The following CTIF variants were observed in gnomAD, a reference collection of about 807,000 sequenced individuals.
The protein encoded by CTIF is cap binding complex dependent translation initiation factor.
A neutral mutation model predicts 66.0 loss-of-function variants in CTIF; 21 were observed. The observed-to-expected ratio is 0.32, with a 90% CI of 0.23 to 0.46. CTIF has a LOEUF of 0.46. Among genes scored for constraint, CTIF ranks in the 20% least tolerant of loss-of-function variants. CTIF has a pLI of 1.00. For missense variants in CTIF, 739 were observed against 812.7 expected (o/e 0.91, Z 1.10); for synonymous variants, 345 against 326.4 (o/e 1.06, Z -0.62).
intron 3 of CTIF, among the ~76,000 whole-genome samples, chr18:48,637,444 C>G (rs116372218): frequency 6.6e-6 from 1 of 152,174 alleles, no homozygotes; most frequent in Admixed American, 6.5e-5. Flanking sequence ...GTCCCCATCC[C>G]GAGTCCAGCC....
At chr18:48,648,872 C>A (rs1451856325) in intron 3 of CTIF, among the ~76,000 whole-genome samples, 1 of 152,214 alleles carries the variant, frequency 6.6e-6, no homozygotes, top group Non-Finnish European at 1.5e-5. Flanking sequence ...GTGATCCCAG[C>A]ACTTTGGGAG....
Position 48,757,305 on chromosome 18 carries a change from G to A in CTIF, c.585-614G>A, listed in dbSNP as rs533647397. ...AAGGCTTCAACATATGAAGTTTTGC[G>A]GGGTGGATGGGGGACACAATTTAGC... On this transcript the variant is annotated intron_variant, in intron 7 of 11. Transcript: ENST00000256413. 5.3e-5 allele frequency among the ~76,000 whole-genome samples: 8 copies of A among 152,196 alleles called. No homozygotes were observed. In the South Asian group the frequency reaches 6.2e-4, roughly 12 times the overall value.
intron 2 of CTIF, among the ~76,000 whole-genome samples, chr18:48,622,719 C>T (rs563373035): frequency 6.6e-6 from 1 of 152,220 alleles, no homozygotes; most frequent in African/African-American, 2.4e-5. Context: ...GGAAATTAAC[C>T]TCTTTAGATT....
At chr18:48,625,996 CTTTCTTTT>C (rs1220618199) in intron 2 of CTIF, among the ~76,000 whole-genome samples, 8 of 114,488 alleles carry the variant, frequency 7.0e-5, no homozygotes, top group African/African-American at 1.1e-4. Context: ...ATTTCTTTTT[CTTTCTTTT>C]TTTTTTTTTT....
At chr18:48,554,560 C>T (rs2088969304) in intron 1 of CTIF, among the ~76,000 whole-genome samples, 1 of 152,256 alleles carries the variant, frequency 6.6e-6, no homozygotes, top group African/African-American at 2.4e-5. Flanking sequence ...AAGGCAGGAT[C>T]CACGATGGAG....
intron 2 of CTIF, among the ~76,000 whole-genome samples, chr18:48,633,090 G>A (rs563261751): frequency 1.4e-4 from 20 of 143,896 alleles, no homozygotes; most frequent in South Asian, 2.3e-4. Flanking sequence ...TGTGTCCCCC[G>A]TGAGTCACCG....
chr18:48,553,845 T>G (rs1162267422), intron 1 of CTIF, among the ~76,000 whole-genome samples: 2 of 148,624 alleles, frequency 1.3e-5, no homozygotes, highest in Non-Finnish European at 3.0e-5. Context: ...TTTTTTTTAG[T>G]AGAGACAGGG....
At chr18:48,748,210 G>A (rs187918926) in intron 7 of CTIF, among the ~76,000 whole-genome samples, 102 of 152,182 alleles carry the variant, frequency 6.7e-4, no homozygotes, top group Middle Eastern at 6.8e-3. Flanking sequence ...TCGGGCCCTG[G>A]TCCTGGATGG....
chr18:48,648,873 A>C (rs2091102427), intron 3 of CTIF, among the ~76,000 whole-genome samples: 1 of 152,214 alleles, frequency 6.6e-6, no homozygotes, highest in Admixed American at 6.5e-5. Flanking sequence ...TGATCCCAGC[A>C]CTTTGGGAGG....
intron 6 of CTIF, among the ~76,000 whole-genome samples, chr18:48,677,497 C>G (rs2091651043): frequency 6.6e-6 from 1 of 152,222 alleles, no homozygotes; most frequent in Non-Finnish European, 1.5e-5. Flanking sequence ...CGAACATTCA[C>G]AGAGTGCTTT....
intron 7 of CTIF, among the ~76,000 whole-genome samples, chr18:48,738,228 T>G (rs923226731): frequency 6.6e-6 from 1 of 152,226 alleles, no homozygotes; most frequent in Non-Finnish European, 1.5e-5. Context: ...TCTCCACCTC[T>G]TACTCCCTCT....
chr18:48,621,361 G>C (rs2090490434), intron 2 of CTIF: 1 of 182,130 alleles, frequency 5.5e-6, no homozygotes, highest in Non-Finnish European at 1.2e-5. Flanking sequence ...CCAGGGCTGG[G>C]CTGGAAGAAG....
At chr18:48,578,066 T>C (rs377179023) in intron 1 of CTIF, among the ~76,000 whole-genome samples, 4 of 152,242 alleles carry the variant, frequency 2.6e-5, no homozygotes, top group African/African-American at 9.6e-5. Flanking sequence ...AACATGGAGT[T>C]ATACAATATG....
rs897866099 is a variant in CTIF at position 48,862,280 on chromosome 18, G to A, written c.*2721G>A. 1 of 152,264 alleles carries A rather than the reference G, an allele frequency of 6.6e-6. No homozygotes were observed. The highest frequency in any genetic ancestry group is 2.4e-5 in the African/African-American group (1 of 41,454). The allele number at this position is 152,264 out of a possible 1,614,324, so 9.4% of individuals were successfully genotyped here. On this transcript the variant is annotated 3_prime_UTR_variant, in exon 12 of 12. Transcript: ENST00000256413. ...GCTGGATATTGCATTTCTAAGGCTT[G>A]CATTGCTTTCCCCTCGCCCGCGGTT...
At chr18:48,658,496 A>G (rs1226788491) in intron 3 of CTIF, among the ~76,000 whole-genome samples, 5 of 151,964 alleles carry the variant, frequency 3.3e-5, no homozygotes, top group African/African-American at 7.2e-5. Flanking sequence ...ATATATATGC[A>G]TGTATGTGTG....
chr18:48,753,699 A>C (rs934094867), intron 7 of CTIF, among the ~76,000 whole-genome samples: 3 of 152,342 alleles, frequency 2.0e-5, no homozygotes, highest in Admixed American at 6.5e-5. Context: ...CACCCGAAGA[A>C]GACTTCCCCA....
intron 7 of CTIF, among the ~76,000 whole-genome samples, chr18:48,750,818 T>G (rs1907734189): frequency 6.6e-6 from 1 of 152,238 alleles, no homozygotes; most frequent in Admixed American, 6.5e-5. Context: ...CCTTGCTGAC[T>G]TTGGCTGAGG....
At chr18:48,769,770 GACCT>G in intron 9 of CTIF, among the ~76,000 whole-genome samples, 1 of 152,370 alleles carries the variant, frequency 6.6e-6, no homozygotes, top group South Asian at 2.1e-4. Flanking sequence ...GAGTAAATAT[GACCT>G]GCTTTTCTCC....
intron 10 of CTIF, among the ~76,000 whole-genome samples, chr18:48,819,148 T>G (rs2068430270): frequency 6.6e-6 from 1 of 152,184 alleles, no homozygotes; most frequent in Non-Finnish European, 1.5e-5. Flanking sequence ...AAACCACATT[T>G]CTTAACAAAT....
Sources: allele counts gnomAD v4.1 joint callset (sites outside exome capture counted in the v4.1 genomes callset), GRCh38; gene constraint gnomAD v4.1.1; transcripts MANE v1.5; gene names NCBI Gene and HGNC (gene_info 2026-07-23, HGNC 2026-07-21).